Variants in SGSM2 observed in about 807,000 individuals in gnomAD.
SGSM2 encodes small G protein signaling modulator 2.
Under a neutral mutation model 126.6 loss-of-function variants are expected in SGSM2, and 89 were observed. The observed-to-expected ratio is 0.70, with a 90% CI of 0.59 to 0.84. The LOEUF (loss-of-function observed/expected upper bound fraction) is 0.84, where lower values mean the gene tolerates loss of function less well. Among genes scored for constraint, SGSM2 ranks in the 40% least tolerant of loss-of-function variants. The pLI, the probability that SGSM2 is intolerant of heterozygous loss-of-function variation, is 0.00. For missense variants in SGSM2, 1,404 were observed against 1,416.6 expected (o/e 0.99, Z 0.14); for synonymous variants, 614 against 574.3 (o/e 1.07, Z -0.99).
rs1020582295 is a variant in SGSM2 at position 2,365,054 on chromosome 17, G to T, written c.1158G>T (p.Gly386=). Reference sequence around the variant, plus strand: ...AGCCCCCGCTGTGGACCCAGCAAGGGAAGGTAACTCGGGTGGGAGGCTTTA... The same window carrying T: ...AGCCCCCGCTGTGGACCCAGCAAGGTAAGGTAACTCGGGTGGGAGGCTTTA... The part of the protein sequence containing the change: ...QLEPPLWTQQ[G]KGKVFPKLRK... The change falls in exon 10 of 24, where the codon GGG becomes GGT. Residue 386 remains glycine, a synonymous_variant. Coordinates refer to ENST00000268989, the MANE Select transcript of SGSM2 (RefSeq NM_014853.3). 1 of 1,612,284 alleles carries T rather than the reference G, an allele frequency of 6.2e-7. No individual in the cohort carries two copies. Among genetic ancestry groups the T allele is most frequent in the South Asian group, 1.1e-5 (1 of 91,074 alleles).
chr17:2,338,687 C>T (rs2064199360), intron 1 of SGSM2, among the ~76,000 whole-genome samples: 1 of 151,390 alleles, frequency 6.6e-6, no homozygotes, highest in African/African-American at 2.4e-5. Flanking sequence ...ATTTTGGAGA[C>T]TTCGAGGCCT....
chr17:2,361,970 C>T (rs1180251724), intron 3 of SGSM2, 139 bp from the exon 4 acceptor site: 30 of 1,317,518 alleles, frequency 2.3e-5, no homozygotes, highest in Middle Eastern at 2.2e-4. Context: ...GCACAAGGCT[C>T]TGTACCCCTC....
rs778947950 is a variant in SGSM2 at position 2,372,187 on chromosome 17, C to G, written c.1578-3C>G. 1 of 1,613,320 alleles carries G rather than the reference C, an allele frequency of 6.2e-7. No homozygotes were observed. The highest frequency in any genetic ancestry group is 1.1e-5 in the South Asian group (1 of 91,082). On this transcript the variant is annotated splice_region_variant and splice_polypyrimidine_tract_variant and intron_variant, in intron 13 of 23. Coordinates refer to ENST00000268989, the MANE Select transcript of SGSM2 (RefSeq NM_014853.3). The surrounding 1 kb of genome is among the most constrained non-coding windows in gnomAD (Gnocchi z 6.0). ...TCCCTGCTGAGCCCGGTTGTTGCCA[C>G]AGGTTGCCGCTCAGGCTACTGTGTG... is the stretch of plus-strand genomic sequence containing the variant.
chr17:2,349,873 C>T (rs1431049798), intron 2 of SGSM2, among the ~76,000 whole-genome samples: 4 of 151,822 alleles, frequency 2.6e-5, no homozygotes, highest in African/African-American at 4.8e-5. Flanking sequence ...CTGCAAGCTC[C>T]GCCTCCCGGG....
rs2065375112 is a variant in SGSM2 at position 2,362,762 on chromosome 17, G to A, written c.459-76G>A. The A allele has an allele frequency of 1.4e-6, 2 of 1,433,416 alleles. No individual in the cohort carries two copies. The highest frequency in any genetic ancestry group is 2.3e-5 in the East Asian group (1 of 43,942). 88.8% of individuals were successfully genotyped at this position (1,433,416 alleles called of 1,614,324 possible). A position where few individuals can be genotyped will look rare whatever the true frequency, so the allele number is the denominator to read the frequency against. On this transcript the variant is annotated intron_variant, in intron 4 of 23. Coordinates refer to ENST00000268989, the MANE Select transcript of SGSM2 (RefSeq NM_014853.3). The surrounding 1 kb of genome is among the most constrained non-coding windows in gnomAD (Gnocchi z 4.9). Reference sequence around the variant, plus strand: ...ATCTGAATCTGGTCTTTGTGGGGATGTCCCTACCTGGTGAGCTTGACTGCC... The same window carrying A: ...ATCTGAATCTGGTCTTTGTGGGGATATCCCTACCTGGTGAGCTTGACTGCC...
Position 2,379,791 on chromosome 17 carries a change from A to C in SGSM2, c.*271A>C. 1.5e-6 allele frequency: 2 copies of C among 1,342,982 alleles called. No homozygotes were observed. Among genetic ancestry groups the C allele is most frequent in the African/African-American group, 1.5e-5 (1 of 68,452 alleles). The allele number at this position is 1,342,982 out of a possible 1,614,324, so 83.2% of individuals were successfully genotyped here. ...CACCTACTCTGCTCCCCTCTCACAC[A>C]TCTGGGAGTAGCCCCACTGCCACCT... On this transcript the variant is annotated 3_prime_UTR_variant, in exon 24 of 24. Transcript: ENST00000268989.
At chr17:2,356,984 G>T (rs944413291) in intron 2 of SGSM2, among the ~76,000 whole-genome samples, 1 of 151,628 alleles carries the variant, frequency 6.6e-6, no homozygotes, top group African/African-American at 2.4e-5. Flanking sequence ...TTAGGGAAGG[G>T]ACCCCATATC....
chr17:2,364,855 C>G lies in SGSM2; in HGVS notation c.1001-42C>G, dbSNP rs374024894. 3.9e-5 allele frequency: 63 copies of G among 1,595,224 alleles called. No individual in the cohort carries two copies. In the Middle Eastern group the frequency reaches 7.8e-4, roughly 20 times the overall value. Reference sequence around the variant, plus strand: ...GCACTGGCCAGCAGGGTGTGATAGCCGACGAGAGGGCCTCAGCCGCACTCT... The same window carrying G: ...GCACTGGCCAGCAGGGTGTGATAGCGGACGAGAGGGCCTCAGCCGCACTCT... On this transcript the variant is annotated intron_variant, in intron 9 of 23. Coordinates refer to ENST00000268989, the MANE Select transcript of SGSM2 (RefSeq NM_014853.3).
intron 2 of SGSM2, among the ~76,000 whole-genome samples, chr17:2,344,689 G>T (rs1418925261): frequency 1.3e-5 from 2 of 149,022 alleles, no homozygotes; most frequent in African/African-American, 4.9e-5. Flanking sequence ...AACTTGGCAT[G>T]TGATAAGAGC....
At chr17:2,359,051 G>A (rs1009081848) in intron 2 of SGSM2, among the ~76,000 whole-genome samples, 1 of 151,870 alleles carries the variant, frequency 6.6e-6, no homozygotes, top group Non-Finnish European at 1.5e-5. Context: ...CTAATTTTTT[G>A]TATTTTTAGT....
rs558048674 is a variant in SGSM2 at position 2,370,772 on chromosome 17, G to T, written c.1424-490G>T. ...GGCAGGTGACTCAGATTCCTCGGGG[G>T]CTTTGAACAGTGGGGACTCCCTGGA... On this transcript the variant is annotated intron_variant, in intron 12 of 23. Coordinates refer to ENST00000268989, the MANE Select transcript of SGSM2 (RefSeq NM_014853.3). Among the ~76,000 whole-genome samples the T allele has an allele frequency of 1.2e-4, 19 of 152,330 alleles. No individual in the cohort carries two copies. In the South Asian group the frequency reaches 3.5e-3, roughly 28 times the overall value.
At chr17:2,377,819 C>T (rs1488731458) in intron 21 of SGSM2, 38 bp from the exon 22 acceptor site, 6 of 1,391,336 alleles carry the variant, frequency 4.3e-6, no homozygotes, top group South Asian at 1.2e-5. Flanking sequence ...AGCATCGGCT[C>T]AGGGCTCAGC....
At chr17:2,376,292 G>C (rs1480070364) in intron 19 of SGSM2, 31 bp downstream of exon 19, 2 of 1,612,432 alleles carry the variant, frequency 1.2e-6, no homozygotes, top group Admixed American at 1.7e-5. Flanking sequence ...CAGGGTGGGA[G>C]GCGGGACCCT....
Position 2,348,639 on chromosome 17 carries a change from C to T in SGSM2, c.133+5019C>T, listed in dbSNP as rs540543019. On this transcript the variant is annotated intron_variant, in intron 2 of 23. Coordinates refer to ENST00000268989, the MANE Select transcript of SGSM2 (RefSeq NM_014853.3). ...GCCACGAAGTGTGTAGCCGTGCTTA[C>T]TCATCTCTGAGCCTACCCCAGAAGG... Among the ~76,000 whole-genome samples, 3 of 152,282 alleles carry T rather than the reference C, an allele frequency of 2.0e-5. No individual in the cohort carries two copies. In the East Asian group the frequency reaches 5.8e-4, roughly 29 times the overall value.
rs749842645 is a variant in SGSM2 at position 2,373,381 on chromosome 17, GGCCT to G, written c.1971_1974del (p.Cys658ArgfsTer4). 5.6e-6 allele frequency: 9 copies of G among 1,612,932 alleles called. No homozygotes were observed. The highest frequency in any genetic ancestry group is 7.6e-6 in the Non-Finnish European group (9 of 1,179,986). On this transcript the variant is annotated frameshift_variant, in exon 17 of 24. Coordinates refer to ENST00000268989, the MANE Select transcript of SGSM2 (RefSeq NM_014853.3). LOFTEE classifies it high-confidence loss of function. ...ACCAGCAGGTGTTGGCAGAGTGGAA[GGCCT>G]GCGAGGTGGTGGTGAGGCAGCGGGA...
chr17:2,373,152 T>C, intron 16 of SGSM2, 71 bp downstream of exon 16: 3 of 1,587,890 alleles, frequency 1.9e-6, no homozygotes, highest in Non-Finnish European at 2.6e-6. Context: ...GGAGGGGACC[T>C]TGGAAGCCTC....
intron 8 of SGSM2, 159 bp downstream of exon 8, chr17:2,364,342 C>A: frequency 1.0e-6 from 1 of 998,498 alleles, no homozygotes; most frequent in Non-Finnish European, 1.5e-6. Context: ...GATTCCCAAG[C>A]TCTCTAGGAC....
rs1442280196 is a variant in SGSM2, at chr17:2,375,853, CTG to C, written c.2469_2470del (p.Ala824GlyfsTer26). ...CTGGAGGCCGGAGAGGAGCTTGCGG[CTG>C]TGTGTGCGGCTGCCTACACTGTGCG... On this transcript the variant is annotated frameshift_variant, in exon 18 of 24. Coordinates refer to ENST00000268989, the MANE Select transcript of SGSM2 (RefSeq NM_014853.3). LOFTEE classifies it high-confidence loss of function. The C allele has an allele frequency of 6.5e-7, 1 of 1,527,872 alleles. No individual in the cohort carries two copies. Among genetic ancestry groups the C allele is most frequent in the South Asian group, 1.3e-5 (1 of 78,452 alleles). 94.6% of individuals were successfully genotyped at this position (1,527,872 alleles called of 1,614,324 possible).
At chr17:2,350,922 T>C (rs138943713) in intron 2 of SGSM2, among the ~76,000 whole-genome samples, 683 of 152,094 alleles carry the variant, frequency 4.5e-3, no homozygotes, top group Non-Finnish European at 7.1e-3. Context: ...CTCAGAGAGG[T>C]TTAGTGACTT....
Sources: gnomAD v4.1 joint callset for allele counts (sites outside exome capture counted in the v4.1 genomes callset) on GRCh38, gnomAD v4.1.1 for gene constraint, Gnocchi (gnomAD v3.1) non-coding constraint, MANE v1.5 for transcripts, NCBI Gene and HGNC (gene_info 2026-07-23, HGNC 2026-07-21) for gene names.